CNBD1: variants seen among roughly 807,000 people sequenced by gnomAD.
CNBD1 encodes cyclic nucleotide-binding domain-containing protein 1.
In CNBD1, 71 loss-of-function variants were observed where a neutral mutation model predicts 54.4. The ratio of observed to expected loss-of-function variants is 1.30; its 90% CI spans 1.08 to 1.59. CNBD1 has a LOEUF of 1.59. Ranked by LOEUF, CNBD1 falls within the 40% of genes most tolerant of loss-of-function variation. The probability of loss-of-function intolerance (pLI) is 0.00; values close to 1 mark genes in which losing one functional copy is unlikely to be tolerated. For synonymous variants in CNBD1, 182 were observed against 170.7 expected (o/e 1.07, Z -0.51); for missense variants, 659 against 518.0 (o/e 1.27, Z -2.64).
intron 2 of CNBD1, among the ~76,000 whole-genome samples, chr8:87,392,904 A>T (rs1811336888): frequency 1.3e-5 from 2 of 151,952 alleles, no homozygotes; most frequent in South Asian, 4.1e-4. Context: ...GGGAAGTCTT[A>T]TTCTAGATGC....
intron 10 of CNBD1, among the ~76,000 whole-genome samples, chr8:87,372,251 GA>G (rs1249399238): frequency 6.6e-6 from 1 of 151,852 alleles, no homozygotes; most frequent in African/African-American, 2.4e-5. Flanking sequence ...GCTTCAAAGA[GA>G]AAAAAATACC....
In CNBD1 at chr8:86,929,766, G is replaced by C. The variant is rs1182928669; in HGVS notation, c.273-9830G>C. 2.2e-4 allele frequency among the ~76,000 whole-genome samples: 33 copies of C among 152,242 alleles called. 1 individual carries two copies. On this transcript the variant is annotated intron_variant, in intron 3 of 10. Coordinates refer to ENST00000518476, the MANE Select transcript of CNBD1 (RefSeq NM_173538.3). ...ATTTACATCATGAGTAGTCTAGATG[G>C]TGAGATCCTTTCCTTGTATTATTTT...
chr8:87,331,883 A>G (rs575111291), intron 8 of CNBD1, among the ~76,000 whole-genome samples: 129 of 152,256 alleles, frequency 8.5e-4, no homozygotes, highest in African/African-American at 3.0e-3. Flanking sequence ...GTCTGTTCAT[A>G]TCATTTACCC....
intron 8 of CNBD1, among the ~76,000 whole-genome samples, chr8:87,302,999 A>G (rs1289830213): frequency 6.6e-6 from 1 of 151,762 alleles, no homozygotes; most frequent in Non-Finnish European, 1.5e-5. Context: ...ATACAAACAA[A>G]TGGAAGAACA....
At chr8:87,118,799 G>A (rs1462146201) in intron 4 of CNBD1, among the ~76,000 whole-genome samples, 1 of 152,158 alleles carries the variant, frequency 6.6e-6, no homozygotes, top group Non-Finnish European at 1.5e-5. Context: ...ACCTGGGAAA[G>A]GCACAATTAT....
At chr8:87,022,945 A>G (rs1014249380) in intron 4 of CNBD1, among the ~76,000 whole-genome samples, 1 of 152,218 alleles carries the variant, frequency 6.6e-6, no homozygotes, top group Non-Finnish European at 1.5e-5. Flanking sequence ...AGAGAACACT[A>G]TCATGAACCC....
intron 6 of CNBD1, among the ~76,000 whole-genome samples, chr8:87,259,862 C>A (rs1808100479): frequency 6.6e-6 from 1 of 152,010 alleles, no homozygotes; most frequent in African/African-American, 2.4e-5. Context: ...TTAATAAAGT[C>A]CTTTTAAAAT....
intron 8 of CNBD1, among the ~76,000 whole-genome samples, chr8:87,333,068 T>C (rs968837475): frequency 1.3e-5 from 2 of 152,184 alleles, no homozygotes. Context: ...TTTGTAGTTC[T>C]CCTTGAAGAG....
At chr8:87,105,679 G>A (rs1427306351) in intron 4 of CNBD1, among the ~76,000 whole-genome samples, 1 of 151,996 alleles carries the variant, frequency 6.6e-6, no homozygotes, top group African/African-American at 2.4e-5. Context: ...TAGCTGCTGT[G>A]CCTTCATTCT....
In CNBD1 at chr8:86,954,972, A is replaced by G. The variant is rs188313292; in HGVS notation, c.431+15218A>G. ...TACATTAGGTATATCTCCTAATGCA[A>G]TCCCTCCCCCCTCCCCCCACTCCAT... On this transcript the variant is annotated intron_variant, in intron 4 of 10. Transcript: ENST00000518476. 3.7e-3 allele frequency among the ~76,000 whole-genome samples: 494 copies of G among 133,256 alleles called. 3 individuals are homozygous for G. Among genetic ancestry groups the G allele is most frequent in the African/African-American group, 0.013 (462 of 36,794 alleles). The allele number at this position is 133,256 out of a possible 152,430, so 87.4% of individuals were successfully genotyped here. A position where few individuals can be genotyped will look rare whatever the true frequency, so the allele number is the denominator to read the frequency against.
At position 86,939,694 on chromosome 8, in the gene CNBD1, T is replaced by C. The variant is rs184712972; in HGVS notation, c.371T>C (p.Leu124Ser). 1.5e-4 allele frequency: 243 copies of C among 1,603,146 alleles called. No homozygotes were observed. In the African/African-American group the frequency reaches 2.8e-3, roughly 19 times the overall value. Residue 124 changes from leucine (L) to serine (S), a missense_variant, in exon 4 of 11, where the codon TTA becomes TCA. By Grantham distance (145) the Leu-to-Ser change is moderately radical. Transcript: ENST00000518476. Reference protein sequence around the residue: ...HVQRAHGGHILYRPKRATEKF... With the variant: ...HVQRAHGGHISYRPKRATEKF... ...CAGAGAGCACATGGTGGCCATATTT[T>C]ATATAGACCAAAAAGAGCCACAGAG...
At chr8:87,259,687 G>A (rs934076510) in intron 6 of CNBD1, among the ~76,000 whole-genome samples, 2 of 152,098 alleles carry the variant, frequency 1.3e-5, no homozygotes, top group African/African-American at 4.8e-5. Context: ...TTTTTCATTT[G>A]CCTGTTTTTA....
At chr8:87,171,785 C>T (rs927412554) in intron 4 of CNBD1, among the ~76,000 whole-genome samples, 1 of 150,990 alleles carries the variant, frequency 6.6e-6, no homozygotes, top group Non-Finnish European at 1.5e-5. Context: ...TTACAGGTGC[C>T]CACCACCACG....
chr8:87,370,853 G>A (rs1265109338), intron 10 of CNBD1, among the ~76,000 whole-genome samples: 2 of 150,418 alleles, frequency 1.3e-5, no homozygotes, highest in South Asian at 2.1e-4. Flanking sequence ...GGGTTTTTAT[G>A]GTTTTAGGTC....
chr8:87,425,171 T>C (rs1182158242), intron 2 of CNBD1, among the ~76,000 whole-genome samples: 1 of 152,192 alleles, frequency 6.6e-6, no homozygotes. Flanking sequence ...TTCAGCTCCA[T>C]CAGCTCCTTT....
intron 6 of CNBD1, among the ~76,000 whole-genome samples, chr8:87,263,252 G>C (rs1249630402): frequency 6.6e-6 from 1 of 152,068 alleles, no homozygotes; most frequent in Admixed American, 6.6e-5. Flanking sequence ...CTTGTCATTT[G>C]TGTGAAAACC....
intron 6 of CNBD1, among the ~76,000 whole-genome samples, chr8:87,259,093 A>G (rs961427470): frequency 6.6e-6 from 1 of 152,160 alleles, no homozygotes; most frequent in African/African-American, 2.4e-5. Context: ...ATTACATGTT[A>G]TAGTGGTAAT....
intron 3 of CNBD1, among the ~76,000 whole-genome samples, chr8:86,929,045 G>C (rs944058137): frequency 1.2e-4 from 19 of 152,188 alleles, no homozygotes; most frequent in Non-Finnish European, 1.3e-4. Flanking sequence ...TCCATACCAA[G>C]GGTCCTTCCA....
At chr8:87,285,358 A>G (rs571764376) in intron 7 of CNBD1, among the ~76,000 whole-genome samples, 2 of 152,314 alleles carry the variant, frequency 1.3e-5, no homozygotes, top group Admixed American at 6.5e-5. Context: ...CTTAAAGTTT[A>G]ATAATTTATT....
Sources: gnomAD v4.1 joint callset for allele counts (sites outside exome capture counted in the v4.1 genomes callset) on GRCh38, gnomAD v4.1.1 for gene constraint, MANE v1.5 for transcripts, NCBI Gene and HGNC (gene_info 2026-07-23, HGNC 2026-07-21) for gene names.